The following SFMBT2 variants were observed in gnomAD, a reference collection of about 807,000 sequenced individuals.
The protein encoded by SFMBT2 is Scm like with four mbt domains 2.
A neutral mutation model predicts 110.1 loss-of-function variants in SFMBT2; 38 were observed. The ratio of observed to expected loss-of-function variants is 0.35; its 90% CI spans 0.27 to 0.45. SFMBT2 has a LOEUF of 0.45. SFMBT2 is among the 20% of genes least tolerant of loss of function. The pLI, the probability that SFMBT2 is intolerant of heterozygous loss-of-function variation, is 1.00. For synonymous variants in SFMBT2, 425 were observed against 425.4 expected, an observed-to-expected ratio of 1.00 and a Z score of 0.01; for missense variants, 1,011 against 1,094.9, an observed-to-expected ratio of 0.92 and a Z score of 1.08.
At chr10:7,194,988 G>T (rs112175097) in intron 15 of SFMBT2, among the ~76,000 whole-genome samples, 1 of 152,166 alleles carries the variant, frequency 6.6e-6, no homozygotes, top group Non-Finnish European at 1.5e-5. Context: ...TTTCAACAAC[G>T]GAACACGTCA....
At chr10:7,258,266 TC>T (rs1162631277) in intron 7 of SFMBT2, among the ~76,000 whole-genome samples, 7 of 152,150 alleles carry the variant, frequency 4.6e-5, no homozygotes, top group Admixed American at 2.0e-4. Context: ...AGTTCCACAA[TC>T]AAAAGCTGCA....
chr10:7,231,185 A>C (rs1219321259), intron 9 of SFMBT2, among the ~76,000 whole-genome samples: 1 of 152,222 alleles, frequency 6.6e-6, no homozygotes, highest in Admixed American at 6.5e-5. Flanking sequence ...CCATCTGTGA[A>C]GACACATCTC....
intron 15 of SFMBT2, among the ~76,000 whole-genome samples, chr10:7,191,541 C>T (rs368757246): frequency 3.3e-5 from 5 of 152,236 alleles, no homozygotes; most frequent in African/African-American, 9.6e-5. Context: ...CCTCCCCATC[C>T]GGGTCTTTAC....
intron 7 of SFMBT2, among the ~76,000 whole-genome samples, chr10:7,262,922 G>A (rs753736919): frequency 1.3e-5 from 2 of 152,078 alleles, no homozygotes; most frequent in African/African-American, 4.8e-5. Flanking sequence ...ACCCCACCTC[G>A]CAGTTCTGTA....
At chr10:7,309,358 T>A (rs1359285231) in intron 4 of SFMBT2, among the ~76,000 whole-genome samples, 2 of 152,222 alleles carry the variant, frequency 1.3e-5, no homozygotes, top group African/African-American at 4.8e-5. Flanking sequence ...ATCAGCCAGG[T>A]ACACATTGTC....
At position 7,270,246 on chromosome 10, in the gene SFMBT2, C is replaced by T. The variant is rs375216742; in HGVS notation, c.870+6646G>A. ...GACCAAGCAAAGCCCAGGACACAGG[C>T]GACCCCAGAAGCCAGGGCCGCCCTC... is the stretch of plus-strand genomic sequence containing the variant. On this transcript the variant is annotated intron_variant, in intron 7 of 20. Coordinates refer to ENST00000397167, the MANE Select transcript of SFMBT2 (RefSeq NM_001387889.1). Among the ~76,000 whole-genome samples, 29 of 152,268 alleles carry T rather than the reference C, an allele frequency of 1.9e-4. 1 individual carries two copies. In the East Asian group the frequency reaches 2.9e-3, roughly 15 times the overall value.
At chr10:7,399,847 C>T (rs1286230032) in intron 1 of SFMBT2, among the ~76,000 whole-genome samples, 1 of 152,200 alleles carries the variant, frequency 6.6e-6, no homozygotes, top group Non-Finnish European at 1.5e-5. Flanking sequence ...TAGGTTTCCA[C>T]TCACCTTCCT....
intron 4 of SFMBT2, among the ~76,000 whole-genome samples, chr10:7,327,057 G>T (rs1318657055): frequency 1.3e-5 from 2 of 151,084 alleles, no homozygotes; most frequent in South Asian, 4.2e-4. Context: ...TCATACGAGG[G>T]ACTTTTGCCC....
intron 15 of SFMBT2, among the ~76,000 whole-genome samples, chr10:7,194,715 A>C (rs576255994): frequency 6.6e-6 from 1 of 152,154 alleles, no homozygotes; most frequent in Non-Finnish European, 1.5e-5. Context: ...GCACTCACCT[A>C]CTTTTTTGTT....
In SFMBT2 at chr10:7,293,809, C is replaced by T. The variant is rs1842326603; in HGVS notation, c.437-7855G>A. Reference sequence around the variant, plus strand: ...CCAAGATATGTTAGGAACCCAGGGTCTTTCAATCCTGTCACTCTGCTCTAA... The same window carrying T: ...CCAAGATATGTTAGGAACCCAGGGTTTTTCAATCCTGTCACTCTGCTCTAA... On this transcript the variant is annotated intron_variant, in intron 4 of 20. Transcript: ENST00000397167. The surrounding 1 kb of genome is among the most constrained non-coding windows in gnomAD (Gnocchi z 4.6). 1.3e-5 allele frequency among the ~76,000 whole-genome samples: 2 copies of T among 152,172 alleles called. No homozygotes were observed.
chr10:7,248,743 A>G (rs1220482016), intron 7 of SFMBT2, 94 bp from the exon 8 acceptor site: 11 of 1,030,230 alleles, frequency 1.1e-5, no homozygotes, highest in South Asian at 1.4e-5. Flanking sequence ...TTATTGGGCA[A>G]CCAAAATCTT....
chr10:7,276,910 A>G lies in SFMBT2; in HGVS notation c.852T>C (p.Leu284=), dbSNP rs756750671. Residue 284 remains leucine (L), a synonymous_variant, in exon 7 of 21, where the codon CTT becomes CTC. Coordinates refer to ENST00000397167, the MANE Select transcript of SFMBT2 (RefSeq NM_001387889.1). The part of the protein sequence containing the change: ...KSLIDAAKFP[L]PMEVFKDHAD... ...ATCTTACCTTAAACACTTCCATTGG[A>G]AGAGGAAATTTGGCAGCATCAATAA... The G allele has an allele frequency of 1.1e-6, 1 of 872,364 alleles. No individual in the cohort carries two copies. The highest frequency in any genetic ancestry group is 2.0e-6 in the Non-Finnish European group (1 of 501,102). 54.0% of individuals were successfully genotyped at this position (872,364 alleles called of 1,614,324 possible). A position where few individuals can be genotyped will look rare whatever the true frequency, so the allele number is the denominator to read the frequency against.
At chr10:7,312,629 C>T (rs1164985683) in intron 4 of SFMBT2, among the ~76,000 whole-genome samples, 3 of 152,114 alleles carry the variant, frequency 2.0e-5, no homozygotes, top group African/African-American at 4.8e-5. Flanking sequence ...CAGCAATAAT[C>T]AGCAAATCAG....
At chr10:7,339,119 A>G (rs1843811944) in intron 4 of SFMBT2, among the ~76,000 whole-genome samples, 1 of 152,206 alleles carries the variant, frequency 6.6e-6, no homozygotes, top group Non-Finnish European at 1.5e-5. Flanking sequence ...AGGTACCTGT[A>G]GTCCCAGCTA....
chr10:7,227,820 A>T, intron 10 of SFMBT2, 35 bp downstream of exon 10: 1 of 1,580,386 alleles, frequency 6.3e-7, no homozygotes, highest in East Asian at 2.2e-5. Context: ...AAAATCTATG[A>T]TTTTTAAAAA....
Position 7,200,430 on chromosome 10 carries a change from A to T in SFMBT2, c.1542T>A (p.Pro514=), listed in dbSNP as rs1204828959. 1.2e-6 allele frequency: 2 copies of T among 1,600,140 alleles called. No homozygotes were observed. The highest frequency in any genetic ancestry group is 3.4e-5 in the Admixed American group (2 of 58,000). The change falls in exon 14 of 21, where the codon CCT becomes CCA. Residue 514 remains proline (P), a synonymous_variant. Transcript: ENST00000397167. ...ACTGATTACCTGTGGTGTCCAGGTG[A>T]GGGAATAAACAAAGGTCATGAGGTA... is the stretch of plus-strand genomic sequence containing the variant. ...KKIPHDLCLF[P]HLDTTGTVNG...
chr10:7,278,106 G>A (rs557065687), intron 6 of SFMBT2, among the ~76,000 whole-genome samples: 4 of 152,162 alleles, frequency 2.6e-5, no homozygotes, highest in Admixed American at 6.5e-5. Context: ...CATCCTCTGC[G>A]TGTGTGCATT....
upstream of SFMBT2, among the ~76,000 whole-genome samples, chr10:7,411,065 C>CTTT (rs766788794): frequency 0.022 from 1,181 of 53,880 alleles, 155 homozygotes; most frequent in South Asian, 0.031. Context: ...GCTCGGCGCT[C>CTTT]TTTTTTTTTT....
chr10:7,222,654 T>C (rs1839780008), intron 10 of SFMBT2, among the ~76,000 whole-genome samples: 1 of 151,806 alleles, frequency 6.6e-6, no homozygotes, highest in African/African-American at 2.4e-5. Flanking sequence ...TAAGATCTGC[T>C]GGGGTTCAAT....
Sources: allele counts gnomAD v4.1 joint callset (sites outside exome capture counted in the v4.1 genomes callset), GRCh38; gene constraint gnomAD v4.1.1; non-coding constraint Gnocchi (gnomAD v3.1); transcripts MANE v1.5; gene names NCBI Gene and HGNC (gene_info 2026-07-23, HGNC 2026-07-21).